Variants in NLGN4X observed in about 807,000 individuals in gnomAD.
The protein encoded by NLGN4X is neuroligin 4 X-linked, also known as neuroligin-4, X-linked.
In NLGN4X, 3 loss-of-function variants were observed where a neutral mutation model predicts 40.3. The observed-to-expected ratio is 0.07, with a 90% CI of 0.03 to 0.19. The LOEUF is 0.19. Among genes scored for constraint, NLGN4X ranks in the 10% least tolerant of loss-of-function variants. The pLI, the probability that NLGN4X is intolerant of heterozygous loss-of-function variation, is 1.00. For missense variants in NLGN4X, 382 were observed against 708.3 expected, an observed-to-expected ratio of 0.54 and a Z score of 5.23; for synonymous variants, 270 against 306.8, an observed-to-expected ratio of 0.88 and a Z score of 1.25.
intron 3 of NLGN4X, among the ~76,000 whole-genome samples, chrX:5,985,449 T>A (rs1013560904): frequency 1.4e-4 from 15 of 108,862 alleles, no homozygotes; most frequent in African/African-American, 4.7e-4. Flanking sequence ...TATTTATTTA[T>A]TTTTTTTTAT....
chrX:5,908,757 A>T (rs746778985), intron 4 of NLGN4X, among the ~76,000 whole-genome samples: 1 of 111,964 alleles, frequency 8.9e-6, no homozygotes, highest in Admixed American at 9.5e-5. Flanking sequence ...AAAAAATTTT[A>T]AAAAGCAGCC....
chrX:6,139,288 T>C (rs1003081608), intron 2 of NLGN4X, among the ~76,000 whole-genome samples: 1 of 112,181 alleles, frequency 8.9e-6, no homozygotes, highest in Admixed American at 9.5e-5. Context: ...CTTTATTCTA[T>C]AGTCTGCTAA....
intron 3 of NLGN4X, among the ~76,000 whole-genome samples, chrX:5,962,944 C>A (rs911163314): frequency 1.0e-5 from 1 of 100,255 alleles, no homozygotes; most frequent in Non-Finnish European, 2.0e-5. Flanking sequence ...CCCACCCCCA[C>A]CCCCAGACTA....
chrX:6,004,732 T>C (rs778390190), intron 3 of NLGN4X, among the ~76,000 whole-genome samples: 3 of 112,173 alleles, frequency 2.7e-5, no homozygotes, highest in Admixed American at 9.5e-5. Flanking sequence ...AATAAGGTTC[T>C]TGGCTTATGT....
chrX:6,199,938 C>T (rs1234097565), intron 1 of NLGN4X, among the ~76,000 whole-genome samples: 1 of 111,555 alleles, frequency 9.0e-6, no homozygotes, highest in African/African-American at 3.3e-5. Flanking sequence ...AGGAACTTTC[C>T]CCTACAGTGC....
intron 2 of NLGN4X, among the ~76,000 whole-genome samples, chrX:6,094,979 T>TA (rs2038726903): frequency 9.0e-6 from 1 of 110,603 alleles, no homozygotes; most frequent in African/African-American, 3.3e-5. Context: ...AATTTTTTTT[T>TA]TAAAAAGAGT....
At chrX:6,087,053 T>C (rs922421469) in intron 2 of NLGN4X, among the ~76,000 whole-genome samples, 2 of 111,980 alleles carry the variant, frequency 1.8e-5, no homozygotes, top group African/African-American at 6.5e-5. Flanking sequence ...CATGGCTTTT[T>C]ATACACACCT....
chrX:5,913,506 C>G (rs1027309980), intron 3 of NLGN4X, among the ~76,000 whole-genome samples: 2 of 112,077 alleles, frequency 1.8e-5, no homozygotes, highest in Non-Finnish European at 3.8e-5. Context: ...GCTACAAACT[C>G]TCTAAGCATT....
At chrX:6,081,176 T>C (rs1411027343) in intron 2 of NLGN4X, among the ~76,000 whole-genome samples, 2 of 111,596 alleles carry the variant, frequency 1.8e-5, no homozygotes, top group Non-Finnish European at 3.8e-5. Context: ...TGGTCCAAGC[T>C]ACTCCAGAGG....
Position 5,928,675 on chromosome X carries a change from G to A in NLGN4X, c.626-19436C>T, listed in dbSNP as rs181100998. Among the ~76,000 whole-genome samples, 402 of 111,268 alleles carry A rather than the reference G, an allele frequency of 3.6e-3. 3 individuals carry two copies. The highest frequency in any genetic ancestry group is 0.012 in the African/African-American group (377 of 30,686). ...TGTGTACCCTACTTTCCGCTGCAGT[G>A]ACTTCCATGTGAAAATGCTGTCACT... On this transcript the variant is annotated intron_variant, in intron 3 of 5. Transcript: ENST00000381095.
At chrX:5,926,065 G>A (rs1382476123) in intron 3 of NLGN4X, among the ~76,000 whole-genome samples, 1 of 103,894 alleles carries the variant, frequency 9.6e-6, no homozygotes, top group Non-Finnish European at 2.0e-5. Context: ...GAACCAGGTG[G>A]AGATAATTGA....
intron 3 of NLGN4X, among the ~76,000 whole-genome samples, chrX:5,921,432 A>AGAGAGAGAGAGAGAGAGG (rs1569131768): frequency 1.7e-4 from 18 of 105,765 alleles, no homozygotes; most frequent in Non-Finnish European, 3.9e-5. Context: ...AGAGAGAGAG[A>AGAGAGAGAGAGAGAGAGG]GAGGAGAGAC....
intron 3 of NLGN4X, among the ~76,000 whole-genome samples, chrX:5,975,701 G>C (rs1455896225): frequency 2.8e-5 from 3 of 108,224 alleles, no homozygotes; most frequent in African/African-American, 6.8e-5. Context: ...TTTTTATACT[G>C]TTGGATACTT....
chrX:5,998,926 T>C (rs1040459425), intron 3 of NLGN4X, among the ~76,000 whole-genome samples: 3 of 112,623 alleles, frequency 2.7e-5, no homozygotes, highest in African/African-American at 6.5e-5. Flanking sequence ...TTTAATAAAA[T>C]GCAAATGCAT....
chrX:5,919,187 C>T (rs998183444), intron 3 of NLGN4X, among the ~76,000 whole-genome samples: 5 of 111,250 alleles, frequency 4.5e-5, no homozygotes, highest in African/African-American at 6.6e-5. Context: ...GAACTTTTAT[C>T]TCACAAACCT....
chrX:6,065,369 A>C lies in NLGN4X; in HGVS notation c.473-35937T>G, dbSNP rs908976828. On this transcript the variant is annotated intron_variant, in intron 2 of 5. Coordinates refer to ENST00000381095, the MANE Select transcript of NLGN4X (RefSeq NM_181332.3). ...GTGTCACTCTCTGGCCCTTAAAAAA[A>C]AAAAGAAAAGAAAAGAGAGAAGAGT... Among the ~76,000 whole-genome samples the C allele has an allele frequency of 3.6e-5, 4 of 111,172 alleles. No homozygotes were observed. The East Asian group carries it at 1.1e-3, about 31-fold the overall frequency.
chrX:6,172,470 T>C (rs1172496158), intron 1 of NLGN4X, among the ~76,000 whole-genome samples: 2 of 112,292 alleles, frequency 1.8e-5, no homozygotes, highest in East Asian at 2.8e-4. Context: ...GTTTTGTCCA[T>C]TGGAGATATC....
chrX:6,065,050 G>C (rs1408019027), intron 2 of NLGN4X, among the ~76,000 whole-genome samples: 1 of 111,040 alleles, frequency 9.0e-6, no homozygotes, highest in African/African-American at 3.3e-5. Flanking sequence ...CTTACAAGTG[G>C]GATCTAAACA....
At chrX:5,922,115 TTC>T (rs2033093152) in intron 3 of NLGN4X, among the ~76,000 whole-genome samples, 2 of 111,696 alleles carry the variant, frequency 1.8e-5, no homozygotes, top group African/African-American at 3.3e-5. Flanking sequence ...CCAATTGTTT[TTC>T]TCTCTCTTTT....
Sources: allele counts gnomAD v4.1 joint callset (sites outside exome capture counted in the v4.1 genomes callset), GRCh38; gene constraint gnomAD v4.1.1; transcripts MANE v1.5; gene names NCBI Gene and HGNC (gene_info 2026-07-23, HGNC 2026-07-21).